Variants in TXNL4A observed in about 807,000 individuals in gnomAD.
TXNL4A encodes the protein thioredoxin like 4A, also known as thioredoxin-like protein 4A.
TXNL4A carries 17 observed loss-of-function variants against 14.6 expected under a neutral mutation model. The ratio of observed to expected loss-of-function variants is 1.16; its 90% confidence interval spans 0.80 to 1.74. TXNL4A has a LOEUF of 1.74. TXNL4A is among the 40% of genes most tolerant of loss of function. TXNL4A has a pLI of 0.00. For synonymous variants in TXNL4A, 83 were observed against 70.6 expected (o/e 1.18, Z -0.88); for missense variants, 74 against 195.2 (o/e 0.38, Z 3.70).
chr18:79,986,253 C>G (rs773842812), intron 1 of TXNL4A, among the ~76,000 whole-genome samples: 6 of 152,144 alleles, frequency 3.9e-5, no homozygotes, highest in Non-Finnish European at 7.4e-5. Flanking sequence ...CCAGGCTGGT[C>G]TCGAATCCCT....
At chr18:79,979,348 G>A (rs1238092744) in intron 1 of TXNL4A, 1 of 152,182 alleles carries the variant, frequency 6.6e-6, no homozygotes, top group Non-Finnish European at 1.5e-5. Context: ...GATATAGTTT[G>A]GATATTTGTC....
intron 1 of TXNL4A, among the ~76,000 whole-genome samples, chr18:80,013,772 C>T (rs1287675873): frequency 1.3e-5 from 2 of 152,134 alleles, no homozygotes; most frequent in Admixed American, 6.5e-5. Context: ...CACAAGGGTC[C>T]GAGATTTCAT....
intron 1 of TXNL4A, among the ~76,000 whole-genome samples, chr18:80,010,368 C>T (rs192266738): frequency 3.9e-5 from 6 of 152,184 alleles, no homozygotes; most frequent in Admixed American, 2.0e-4. Context: ...CCAGGACCTA[C>T]TGGAAAGCTT....
intron 1 of TXNL4A, among the ~76,000 whole-genome samples, chr18:80,018,533 T>C (rs1396559668): frequency 1.3e-5 from 2 of 151,916 alleles, no homozygotes; most frequent in Admixed American, 1.3e-4. Context: ...TTCAAAAAAT[T>C]AATGAATCCA....
intron 2 of TXNL4A, chr18:79,976,651 G>T (rs1004019651): frequency 5.1e-6 from 2 of 389,924 alleles, no homozygotes; most frequent in African/African-American, 4.3e-5. Context: ...TGCTCAATGC[G>T]TGCTAATTTG....
At chr18:80,005,329 G>A (rs570900726) in intron 1 of TXNL4A, among the ~76,000 whole-genome samples, 4 of 152,202 alleles carry the variant, frequency 2.6e-5, no homozygotes, top group Admixed American at 6.5e-5. Flanking sequence ...TCCCCTGGGG[G>A]GAGAAAAATT....
At chr18:80,033,825 G>A (rs181660782) in intron 1 of TXNL4A, 1 of 30,000 alleles carries the variant, frequency 3.3e-5, no homozygotes, top group Non-Finnish European at 1.0e-4. Context: ...CCCCGTTGCC[G>A]CCCCCCCCGC....
chr18:80,023,425 C>T (rs563437420), intron 1 of TXNL4A, among the ~76,000 whole-genome samples: 2 of 152,222 alleles, frequency 1.3e-5, no homozygotes, highest in East Asian at 1.9e-4. Flanking sequence ...GGGTTGCAAA[C>T]GTTACGTAAA....
At chr18:79,992,923 G>A (rs2051637557), upstream of TXNL4A, among the ~76,000 whole-genome samples, 1 of 139,588 alleles carries the variant, frequency 7.2e-6, no homozygotes, top group African/African-American at 2.6e-5. Flanking sequence ...TGAACCAAAG[G>A]CATGAATGAC....
At chr18:80,033,436 G>A (rs563079603) in intron 1 of TXNL4A, among the ~76,000 whole-genome samples, 3 of 152,314 alleles carry the variant, frequency 2.0e-5, no homozygotes, top group African/African-American at 7.2e-5. Context: ...GGGCCACGCT[G>A]ACTCTGGGGA....
intron 1 of TXNL4A, among the ~76,000 whole-genome samples, chr18:80,006,100 ACAAGG>A (rs2051728257): frequency 6.6e-6 from 1 of 151,078 alleles, no homozygotes; most frequent in African/African-American, 2.4e-5. Flanking sequence ...TAAAAAATAA[ACAAGG>A]CCAGGTGTGG....
At chr18:80,033,211 GCACATGCACACATATACATGTCCACA>G (rs958130950) in intron 1 of TXNL4A, among the ~76,000 whole-genome samples, 16 of 152,022 alleles carry the variant, frequency 1.1e-4, no homozygotes, top group Middle Eastern at 3.4e-3. Context: ...ATACGCGCAC[GCACATGCACACATATACATGTCCACA>G]CACATGCACA....
At chr18:80,015,396 A>G (rs1190309620) in intron 1 of TXNL4A, among the ~76,000 whole-genome samples, 1 of 150,134 alleles carries the variant, frequency 6.7e-6, no homozygotes, top group East Asian at 2.0e-4. Context: ...GTTTTAGGGT[A>G]CATGTGCACA....
At chr18:79,976,345 C>T (rs894183411) in intron 2 of TXNL4A, among the ~76,000 whole-genome samples, 2 of 152,220 alleles carry the variant, frequency 1.3e-5, no homozygotes, top group Non-Finnish European at 2.9e-5. Flanking sequence ...CTTTTCAGGT[C>T]AGAGAACCTG....
chr18:79,980,668 G>GA (rs1167336335), intron 1 of TXNL4A, among the ~76,000 whole-genome samples: 1 of 152,172 alleles, frequency 6.6e-6, no homozygotes, highest in Non-Finnish European at 1.5e-5. Flanking sequence ...CAGCTTTGGT[G>GA]AAAAAAACCG....
chr18:79,976,111 C>A (rs12455687), intron 2 of TXNL4A, among the ~76,000 whole-genome samples: 1 of 151,998 alleles, frequency 6.6e-6, no homozygotes, highest in Non-Finnish European at 1.5e-5. Flanking sequence ...CGTATCCCGA[C>A]GCCCAGAACC....
In TXNL4A at chr18:80,002,094, T is replaced by G. The variant is rs1292555026; in HGVS notation, c.-60-24393A>C. Among the ~76,000 whole-genome samples, 3 of 152,144 alleles carry G rather than the reference T, an allele frequency of 2.0e-5. No homozygotes were observed. In the East Asian group the frequency reaches 5.8e-4, roughly 29 times the overall value. On this transcript the variant is annotated intron_variant, in intron 1 of 2. Transcript: ENST00000585474. Reference sequence around the variant, plus strand: ...TAGGGGGGCAGTTTTTCCCCATACTTTTCTCCTGGTAGTGAACAAATCTCA... The same window carrying G: ...TAGGGGGGCAGTTTTTCCCCATACTGTTCTCCTGGTAGTGAACAAATCTCA...
intron 1 of TXNL4A, among the ~76,000 whole-genome samples, chr18:80,015,510 C>A (rs868594896): frequency 5.9e-5 from 9 of 151,896 alleles, no homozygotes; most frequent in African/African-American, 9.7e-5. Context: ...ATCCCTCCCC[C>A]CTACCCCCAC....
chr18:80,016,762 G>A (rs1411903897), intron 1 of TXNL4A, among the ~76,000 whole-genome samples: 57 of 150,408 alleles, frequency 3.8e-4, no homozygotes, highest in African/African-American at 1.3e-3. Flanking sequence ...TTTGGTTACT[G>A]TAGCCTTGTA....
Sources: gnomAD v4.1 joint callset for allele counts (sites outside exome capture counted in the v4.1 genomes callset) on GRCh38, gnomAD v4.1.1 for gene constraint, MANE v1.5 for transcripts, NCBI Gene and HGNC (gene_info 2026-07-23, HGNC 2026-07-21) for gene names.